CLSPN: variants seen among roughly 807,000 people sequenced by gnomAD.
CLSPN encodes the protein claspin, also known as claspin homolog.
Under a neutral mutation model 156.3 loss-of-function variants are expected in CLSPN, and 85 were observed. The ratio of observed to expected loss-of-function variants is 0.54; its 90% confidence interval spans 0.46 to 0.65. The LOEUF (loss-of-function observed/expected upper bound fraction) is 0.65, where lower values mean the gene tolerates loss of function less well. Ranked by LOEUF, CLSPN falls within the 30% of genes least tolerant of loss-of-function variation. The pLI is 0.00. For missense variants in CLSPN, 1,407 were observed against 1,554.9 expected, an observed-to-expected ratio of 0.90 and a Z score of 1.60; for synonymous variants, 534 against 542.4, an observed-to-expected ratio of 0.98 and a Z score of 0.22.
At position 35,758,644 on chromosome 1, in the gene CLSPN, C is replaced by T. The variant is rs770576068; in HGVS notation, c.1579+1698G>A. Among the ~76,000 whole-genome samples the T allele has an allele frequency of 6.0e-5, 9 of 149,290 alleles. 1 individual carries two copies. The highest frequency in any genetic ancestry group is 4.2e-4 in the South Asian group (2 of 4,758). On this transcript the variant is annotated intron_variant, in intron 8 of 24. Coordinates refer to ENST00000318121, the MANE Select transcript of CLSPN (RefSeq NM_022111.4). ...TAGGTGGCAAGAGCAAGTGAAAGCC[C>T]GTCTCAAAAAAAAAAAGTCTTGATG...
At chr1:35,755,742 T>C (rs866809508) in intron 8 of CLSPN, among the ~76,000 whole-genome samples, 1 of 152,116 alleles carries the variant, frequency 6.6e-6, no homozygotes, top group Non-Finnish European at 1.5e-5. Context: ...AGGGTCTTGC[T>C]CTGTTGCTCA....
chr1:35,721,512 C>G lies in CLSPN; in HGVS notation c.3910-532G>C, dbSNP rs540725993. ...AAGTCATTCTCCTGCCTCAGCCTCC[C>G]GAGTAGCTGGGGTTACAGGCGCGTG... is the stretch of plus-strand genomic sequence containing the variant. On this transcript the variant is annotated intron_variant, in intron 24 of 24. Transcript: ENST00000251195. 2.0e-5 allele frequency among the ~76,000 whole-genome samples: 3 copies of G among 152,206 alleles called. No individual in the cohort carries two copies. In the East Asian group the frequency reaches 5.8e-4, roughly 29 times the overall value.
intron 24 of CLSPN, among the ~76,000 whole-genome samples, chr1:35,726,025 G>T (rs1003077268): frequency 1.4e-4 from 21 of 151,930 alleles, no homozygotes; most frequent in African/African-American, 5.1e-4. Flanking sequence ...TACATTACGG[G>T]AGGCCTTAAG....
chr1:35,727,601 G>T (rs1641221741), downstream of CLSPN, among the ~76,000 whole-genome samples: 1 of 152,216 alleles, frequency 6.6e-6, no homozygotes, highest in Non-Finnish European at 1.5e-5. Flanking sequence ...CAGTCTACAA[G>T]TCTCAGTTAC....
At chr1:35,740,155 A>G (rs1271618939) in intron 18 of CLSPN, among the ~76,000 whole-genome samples, 7 of 152,242 alleles carry the variant, frequency 4.6e-5, no homozygotes, top group African/African-American at 1.7e-4. Flanking sequence ...GAGACAAACT[A>G]GAGATGGTGT....
chr1:35,768,532 C>A (rs770011197), intron 1 of CLSPN, among the ~76,000 whole-genome samples: 1 of 151,810 alleles, frequency 6.6e-6, no homozygotes, highest in Admixed American at 6.6e-5. Context: ...CTCAGCCACC[C>A]GAGTAGCTGG....
chr1:35,748,786 C>G, intron 12 of CLSPN, 182 bp from the exon 13 acceptor site: 2 of 549,122 alleles, frequency 3.6e-6, no homozygotes, highest in South Asian at 3.6e-5. Flanking sequence ...ATAATCAGGG[C>G]TTATTACTCT....
intron 23 of CLSPN, 122 bp downstream of exon 23, chr1:35,737,217 G>C (rs1641505760): frequency 1.6e-6 from 2 of 1,233,956 alleles, no homozygotes; most frequent in South Asian, 1.3e-5. Flanking sequence ...AGACTCCTTT[G>C]ACATTAACTT....
intron 8 of CLSPN, 60 bp downstream of exon 8, chr1:35,760,282 A>G: frequency 7.3e-7 from 1 of 1,363,762 alleles, no homozygotes; most frequent in Non-Finnish European, 1.0e-6. Context: ...ACAGTAGTCA[A>G]TAATCAAAAG....
At position 35,738,110 on chromosome 1, in the gene CLSPN, AAAAATATATAT is replaced by A. The variant is rs1482233484; in HGVS notation, c.3559-24_3559-14del. 3.1e-4 allele frequency: 183 copies of A among 593,126 alleles called. 1 individual carries two copies. Among genetic ancestry groups the A allele is most frequent in the East Asian group, 1.7e-3 (35 of 21,086 alleles). The allele number at this position is 593,126 out of a possible 1,614,324, so 36.7% of individuals were successfully genotyped here. ...TCCCCTGCTGTGCCTGAAAAAAAAA[AAAAATATATAT>A]ATATATATATATATATATACAGCAT... On this transcript the variant is annotated splice_polypyrimidine_tract_variant and intron_variant, in intron 21 of 24. Coordinates refer to ENST00000318121, the MANE Select transcript of CLSPN (RefSeq NM_022111.4).
intron 20 of CLSPN, 90 bp from the exon 21 acceptor site, chr1:35,738,672 A>T (rs896902147): frequency 7.6e-7 from 1 of 1,321,116 alleles, no homozygotes; most frequent in South Asian, 1.4e-5. Flanking sequence ...ATCATTTACT[A>T]TATAATGATG....
chr1:35,728,318 G>A (rs116363829), downstream of CLSPN, among the ~76,000 whole-genome samples: 2,975 of 152,096 alleles, frequency 0.02, 106 homozygotes, highest in African/African-American at 0.067. Context: ...CTGAGTTCAA[G>A]CAAACCCCCC....
intron 22 of CLSPN, 73 bp downstream of exon 22, chr1:35,737,919 G>A: frequency 1.2e-6 from 1 of 800,160 alleles, no homozygotes; most frequent in Non-Finnish European, 1.9e-6. Flanking sequence ...AGCTCCTGAA[G>A]GTTAGAGTCA....
intron 23 of CLSPN, 94 bp downstream of exon 23, chr1:35,737,245 C>G: frequency 7.7e-7 from 1 of 1,301,858 alleles, no homozygotes; most frequent in South Asian, 1.2e-5. Flanking sequence ...GCAGCCACCT[C>G]CTTCCTCTAA....
At position 35,764,434 on chromosome 1, in the gene CLSPN, A is replaced by C. The variant is rs1367671484; in HGVS notation, c.414T>G (p.Ser138=). ...CAGTGGTAAAGTCTGTAGAGTTTCC[A>C]GACTGAAGACTCAGCTCTAAGCAAG... is the stretch of plus-strand genomic sequence containing the variant. ...VKPCLELSLQ[S]GNSTDFTTDR... is the part of the protein sequence containing the mutation. Residue 138 remains serine (S), a synonymous_variant, in exon 3 of 25, where the codon TCT becomes TCG. Coordinates refer to ENST00000318121, the MANE Select transcript of CLSPN (RefSeq NM_022111.4). 1.2e-6 allele frequency: 2 copies of C among 1,614,144 alleles called. No homozygotes were observed. The highest frequency in any genetic ancestry group is 3.3e-5 in the Admixed American group (2 of 60,018).
At chr1:35,724,333 T>C (rs907298334) in intron 24 of CLSPN, among the ~76,000 whole-genome samples, 8 of 151,586 alleles carry the variant, frequency 5.3e-5, no homozygotes, top group Admixed American at 5.3e-4. Flanking sequence ...ATTTTCAGAG[T>C]GAGTTCAGGA....
At chr1:35,726,340 C>G (rs545147172) in intron 24 of CLSPN, among the ~76,000 whole-genome samples, 2 of 151,972 alleles carry the variant, frequency 1.3e-5, no homozygotes, top group Non-Finnish European at 2.9e-5. Context: ...CTTCCCAGAC[C>G]CTTTCCTCCT....
intron 14 of CLSPN, 57 bp from the exon 15 acceptor site, chr1:35,747,049 G>A (rs1037043898): frequency 2.2e-5 from 30 of 1,368,308 alleles, no homozygotes; most frequent in African/African-American, 5.7e-5. Context: ...AGGGCCGGGT[G>A]CGGTAGCTCA....
At chr1:35,741,317 C>T (rs1641680744) in intron 18 of CLSPN, among the ~76,000 whole-genome samples, 1 of 152,018 alleles carries the variant, frequency 6.6e-6, no homozygotes, top group Non-Finnish European at 1.5e-5. Context: ...TTTCTGTATT[C>T]TTTTTTTGCG....
Sources: gnomAD v4.1 joint callset for allele counts (sites outside exome capture counted in the v4.1 genomes callset) on GRCh38, gnomAD v4.1.1 for gene constraint, MANE v1.5 for transcripts, NCBI Gene and HGNC (gene_info 2026-07-23, HGNC 2026-07-21) for gene names.